Variants in GALC observed in about 807,000 individuals in gnomAD.
The protein encoded by GALC is galactocerebrosidase.
In GALC, 77 loss-of-function variants were observed where a neutral mutation model predicts 91.8. The observed-to-expected ratio is 0.84, with a 90% CI of 0.70 to 1.01. The LOEUF is 1.01. Ranked by LOEUF, GALC falls within the 50% of genes least tolerant of loss-of-function variation. The probability of loss-of-function intolerance (pLI) is 0.00; values close to 1 mark genes in which losing one functional copy is unlikely to be tolerated. For missense variants in GALC, 882 were observed against 855.9 expected, an observed-to-expected ratio of 1.03 and a Z score of -0.38; for synonymous variants, 357 against 306.7, an observed-to-expected ratio of 1.16 and a Z score of -1.71.
chr14:87,952,766 T>C, intron 10 of GALC: 3 of 1,531,358 alleles, frequency 2.0e-6, no homozygotes, highest in Non-Finnish European at 2.7e-6. Context: ...AAGATTACTT[T>C]GTACATTCTG....
chr14:87,964,027 C>T lies in GALC; in HGVS notation c.1034-516G>A, dbSNP rs554126767. 3.9e-5 allele frequency among the ~76,000 whole-genome samples: 6 copies of T among 152,186 alleles called. No individual in the cohort carries two copies. The East Asian group carries it at 1.2e-3, about 29-fold the overall frequency. ...CAAAATTAAGAGTACATTAGTTCAT[C>T]TAGATAATGTGGGGCCAACAATTTC... On this transcript the variant is annotated intron_variant, in intron 9 of 16. Transcript: ENST00000261304.
chr14:87,986,366 ATAC>A, intron 4 of GALC, 120 bp downstream of exon 4: 3 of 714,810 alleles, frequency 4.2e-6, no homozygotes, highest in Non-Finnish European at 5.0e-6. Flanking sequence ...TGCTGGTAGC[ATAC>A]TGGTAGCATT....
At chr14:87,975,235 A>T (rs1886445070) in intron 7 of GALC, among the ~76,000 whole-genome samples, 1 of 152,146 alleles carries the variant, frequency 6.6e-6, no homozygotes, top group Non-Finnish European at 1.5e-5. Flanking sequence ...ATCCAGACTG[A>T]CACAAAGTTT....
At chr14:87,953,759 T>C in intron 10 of GALC, 2 of 1,604,470 alleles carry the variant, frequency 1.2e-6, no homozygotes, top group Non-Finnish European at 1.7e-6. Flanking sequence ...GTGTCTGAAT[T>C]TAAGGGTATT....
chr14:87,941,504 ACCT>A lies in GALC; in HGVS notation c.1722_1724del (p.Gly575del). 1 of 1,598,826 alleles carries A rather than the reference ACCT, an allele frequency of 6.3e-7. No homozygotes were observed. On this transcript the variant is annotated inframe_deletion, in exon 15 of 17. Coordinates refer to ENST00000261304, the MANE Select transcript of GALC (RefSeq NM_000153.4). Reference sequence around the variant, plus strand: ...TATTTACTCTTCCTGCAATGAACACACCTCCTGTGTCAGGGGTCTCTATGTATA... The same window carrying A: ...TATTTACTCTTCCTGCAATGAACACACCTGTGTCAGGGGTCTCTATGTATA...
chr14:87,993,242 G>T, upstream of GALC: 1 of 1,543,326 alleles, frequency 6.5e-7, no homozygotes. Flanking sequence ...GGAGGCCGCT[G>T]ATGCTGACGC....
intron 6 of GALC, chr14:87,980,360 T>A: frequency 3.5e-6 from 1 of 284,272 alleles, no homozygotes; most frequent in Non-Finnish European, 5.1e-6. Context: ...CCAGCCTGGG[T>A]GACAGAGAGA....
At chr14:87,954,517 T>C (rs1885437232) in intron 10 of GALC, 3 of 1,559,772 alleles carry the variant, frequency 1.9e-6, no homozygotes, top group Non-Finnish European at 2.6e-6. Context: ...TAAAATCGCA[T>C]ACAATGCCTT....
At chr14:87,986,789 C>CT (rs572448811) in intron 3 of GALC, among the ~76,000 whole-genome samples, 187 bp from the exon 4 acceptor site, 1 of 151,816 alleles carries the variant, frequency 6.6e-6, no homozygotes, top group East Asian at 1.9e-4. Flanking sequence ...TCATTTCATC[C>CT]TTTTTTTATT....
chr14:87,978,117 A>G (rs1191350252), intron 6 of GALC, among the ~76,000 whole-genome samples: 11 of 152,154 alleles, frequency 7.2e-5, no homozygotes, highest in Non-Finnish European at 1.5e-4. Flanking sequence ...TAATGGCATG[A>G]TATCGGCTCA....
At chr14:87,954,974 T>C (rs1215579639) in intron 10 of GALC, 1 of 1,445,026 alleles carries the variant, frequency 6.9e-7, no homozygotes, top group South Asian at 1.1e-5. Context: ...CTTCTCAACA[T>C]TTTTGCAGAC....
At chr14:87,962,926 T>G (rs970857185) in intron 10 of GALC, among the ~76,000 whole-genome samples, 1 of 151,998 alleles carries the variant, frequency 6.6e-6, no homozygotes, top group Non-Finnish European at 1.5e-5. Context: ...CCCTACCTCC[T>G]CCCATGCCTC....
At chr14:87,977,835 A>G (rs1489470821) in intron 6 of GALC, among the ~76,000 whole-genome samples, 1 of 152,214 alleles carries the variant, frequency 6.6e-6, no homozygotes, top group Non-Finnish European at 1.5e-5. Context: ...GTTTCTTAAA[A>G]TAGATATATT....
intron 1 of GALC, chr14:87,992,276 C>T: frequency 2.0e-6 from 3 of 1,535,460 alleles, no homozygotes; most frequent in Non-Finnish European, 1.7e-6. Flanking sequence ...ATTTCGGATA[C>T]AAAACCAAAA....
At chr14:87,942,915 A>T (rs1485995064) in intron 14 of GALC, among the ~76,000 whole-genome samples, 2 of 151,980 alleles carry the variant, frequency 1.3e-5, no homozygotes, top group Non-Finnish European at 2.9e-5. Flanking sequence ...ACCAGCATGA[A>T]ACCACTGGCA....
chr14:87,963,572 GA>G lies in GALC; in HGVS notation c.1034-62del, dbSNP rs201562753. 0.087 allele frequency: 87,250 copies of G among 999,322 alleles called. 108 individuals carry two copies. Among genetic ancestry groups the G allele is most frequent in the East Asian group, 0.18 (4,972 of 28,068 alleles). The allele number at this position is 999,322 out of a possible 1,614,324, so 61.9% of individuals were successfully genotyped here. On this transcript the variant is annotated intron_variant, in intron 9 of 16. Coordinates refer to ENST00000261304, the MANE Select transcript of GALC (RefSeq NM_000153.4). ...ATGGTAATAATAGTATTTCTTTTGG[GA>G]AAAAAAAAAAGCTGTATATCAATTT... is the stretch of plus-strand genomic sequence containing the variant.
intron 12 of GALC, among the ~76,000 whole-genome samples, chr14:87,948,743 A>G (rs952622994): frequency 6.6e-6 from 1 of 152,048 alleles, no homozygotes; most frequent in Non-Finnish European, 1.5e-5. Flanking sequence ...TATGAGGAAA[A>G]TCAATTTTAT....
intron 10 of GALC, chr14:87,953,275 C>A: frequency 6.7e-7 from 1 of 1,491,286 alleles, no homozygotes; most frequent in South Asian, 1.1e-5. Flanking sequence ...AGATAAAGGG[C>A]GGAGTCCTAT....
At chr14:87,957,856 G>A (rs762256656) in intron 10 of GALC, among the ~76,000 whole-genome samples, 5 of 152,080 alleles carry the variant, frequency 3.3e-5, no homozygotes, top group Non-Finnish European at 5.9e-5. Flanking sequence ...AGAAATAATA[G>A]ATGATGCAAA....
Sources: gnomAD v4.1 joint callset for allele counts (sites outside exome capture counted in the v4.1 genomes callset) on GRCh38, gnomAD v4.1.1 for gene constraint, MANE v1.5 for transcripts, NCBI Gene and HGNC (gene_info 2026-07-23, HGNC 2026-07-21) for gene names.